The following CMPK1 variants were observed in gnomAD, a reference collection of about 807,000 sequenced individuals.
CMPK1 encodes UMP-CMP kinase.
CMPK1 carries 10 observed loss-of-function variants against 25.7 expected under a neutral mutation model. The observed-to-expected ratio is 0.39, with a 90% CI of 0.24 to 0.66. CMPK1 has a LOEUF of 0.66. Among genes scored for constraint, CMPK1 ranks in the 30% least tolerant of loss-of-function variants. The probability of loss-of-function intolerance (pLI) is 0.48; values close to 1 mark genes in which losing one functional copy is unlikely to be tolerated. For missense variants in CMPK1, 199 were observed against 280.5 expected, an observed-to-expected ratio of 0.71 and a Z score of 2.08; for synonymous variants, 106 against 101.5, an observed-to-expected ratio of 1.04 and a Z score of -0.27.
chr1:47,375,329 C>A, intron 5 of CMPK1, 36 bp downstream of exon 5: 3 of 1,303,028 alleles, frequency 2.3e-6, no homozygotes, highest in Admixed American at 2.3e-5. Context: ...AAAAATATGT[C>A]AAATAAAAAT....
At chr1:47,358,981 C>A (rs778375288) in intron 1 of CMPK1, 1 of 969,574 alleles carries the variant, frequency 1.0e-6, no homozygotes, top group Non-Finnish European at 1.2e-6. Flanking sequence ...ATTCCTTAGG[C>A]AAATGATATT....
chr1:47,347,438 G>A (rs1646493331), intron 1 of CMPK1, among the ~76,000 whole-genome samples: 1 of 151,882 alleles, frequency 6.6e-6, no homozygotes, highest in South Asian at 2.1e-4. Context: ...TGAACTCCTG[G>A]CCTCAAGCCA....
intron 1 of CMPK1, among the ~76,000 whole-genome samples, chr1:47,352,909 G>A (rs1646532777): frequency 1.3e-5 from 2 of 150,798 alleles, no homozygotes; most frequent in Admixed American, 1.3e-4. Context: ...TTTAGATTGA[G>A]CAAAATATAC....
chr1:47,372,264 T>C lies in CMPK1; in HGVS notation c.319-691T>C, dbSNP rs550927764. ...CCAGCCACCACGCCCAGCTAATTTT[T>C]GTATTTTTAGTAGAGACGGGGTTTC... On this transcript the variant is annotated intron_variant, in intron 2 of 5. Coordinates refer to ENST00000371873, the MANE Select transcript of CMPK1 (RefSeq NM_016308.3). 2.6e-5 allele frequency among the ~76,000 whole-genome samples: 4 copies of C among 152,316 alleles called. No homozygotes were observed. The South Asian group carries it at 8.3e-4, about 32-fold the overall frequency.
At chr1:47,368,407 A>G in intron 1 of CMPK1, 62 bp from the exon 2 acceptor site, 1 of 1,373,368 alleles carries the variant, frequency 7.3e-7, no homozygotes, top group Non-Finnish European at 9.7e-7. Context: ...AAGGAAAAAA[A>G]GTATAGTCCT....
intron 1 of CMPK1, among the ~76,000 whole-genome samples, chr1:47,340,872 G>A (rs1036803754): frequency 3.3e-5 from 5 of 152,086 alleles, no homozygotes; most frequent in Non-Finnish European, 7.4e-5. Flanking sequence ...CCTGACCTCA[G>A]GTGATCCGCC....
chr1:47,342,231 G>A (rs1220858986), intron 1 of CMPK1, among the ~76,000 whole-genome samples: 1 of 152,038 alleles, frequency 6.6e-6, no homozygotes, highest in Non-Finnish European at 1.5e-5. Context: ...ACAGGTGCCT[G>A]CCACCACACC....
intron 1 of CMPK1, among the ~76,000 whole-genome samples, chr1:47,365,897 A>C: frequency 6.6e-6 from 1 of 152,132 alleles, no homozygotes; most frequent in Non-Finnish European, 1.5e-5. Context: ...TGTCACTAGA[A>C]AATTACTATC....
At chr1:47,354,410 G>A (rs1265890129) in intron 1 of CMPK1, among the ~76,000 whole-genome samples, 1 of 151,984 alleles carries the variant, frequency 6.6e-6, no homozygotes. Context: ...TGTGTATATT[G>A]TAAAAAAAAT....
intron 1 of CMPK1, among the ~76,000 whole-genome samples, chr1:47,357,455 A>G (rs1440936731): frequency 2.0e-5 from 3 of 149,910 alleles, no homozygotes; most frequent in East Asian, 3.9e-4. Flanking sequence ...CCACTCTGTG[A>G]TAACGTGATA....
chr1:47,349,350 C>T (rs1425945513), intron 1 of CMPK1, among the ~76,000 whole-genome samples: 2 of 152,150 alleles, frequency 1.3e-5, no homozygotes, highest in East Asian at 1.9e-4. Context: ...AGATTTCTTT[C>T]CAGTAACTGG....
chr1:47,340,829 G>A lies in CMPK1; in HGVS notation c.171+6713G>A, dbSNP rs189961998. Reference sequence around the variant, plus strand: ...ATTTTGTATTTTTAGTAGAGACGGGGTTTCTCCATGTTGGTCAGGCTGGTC... The same window carrying A: ...ATTTTGTATTTTTAGTAGAGACGGGATTTCTCCATGTTGGTCAGGCTGGTC... On this transcript the variant is annotated intron_variant, in intron 1 of 5. Coordinates refer to ENST00000371873, the MANE Select transcript of CMPK1 (RefSeq NM_016308.3). Among the ~76,000 whole-genome samples the A allele has an allele frequency of 6.6e-5, 10 of 152,160 alleles. No homozygotes were observed. The South Asian group carries it at 2.1e-3, about 32-fold the overall frequency.
intron 5 of CMPK1, among the ~76,000 whole-genome samples, chr1:47,376,396 A>G (rs1004565152): frequency 8.6e-5 from 13 of 151,746 alleles, no homozygotes; most frequent in African/African-American, 2.7e-4. Flanking sequence ...GCTCACTGCA[A>G]CCTCCGTCTC....
chr1:47,368,550 A>G lies in CMPK1; in HGVS notation c.253A>G (p.Ile85Val), dbSNP rs143595256. The change falls in exon 2 of 6, where the codon ATT (isoleucine) becomes GTT (valine). Residue 85 changes from isoleucine to valine, a missense_variant. Ile to Val is a conservative substitution (Grantham distance 29). This residue lies in a region of CMPK1 where 140 missense variants were observed against 235.5 expected (regional missense o/e 0.59). Transcript: ENST00000371873. ...CCCAGATTCACAGTATGGTGAACTT[A>G]TTGAAAAGTACATTAAAGAAGGAAA... ...KNPDSQYGELIEKYIKEGKIV... is the reference protein window; with the variant it reads ...KNPDSQYGELVEKYIKEGKIV... 2 of 1,612,696 alleles carry G rather than the reference A, an allele frequency of 1.2e-6. No individual in the cohort carries two copies. Among genetic ancestry groups the G allele is most frequent in the Non-Finnish European group, 1.7e-6 (2 of 1,179,124 alleles).
At position 47,334,008 on chromosome 1, in the gene CMPK1, C is replaced by A; in HGVS notation, c.63C>A (p.Thr21=). 9 of 1,548,924 alleles carry A rather than the reference C, an allele frequency of 5.8e-6. No homozygotes were observed. Among genetic ancestry groups the A allele is most frequent in the Non-Finnish European group, 7.8e-6 (9 of 1,147,678 alleles). Residue 21 remains threonine (T), a synonymous_variant, in exon 1 of 6, where the codon ACC becomes ACA. Coordinates refer to ENST00000371873, the MANE Select transcript of CMPK1 (RefSeq NM_016308.3). ...HVLGLSFLLQ[T]RRPILLCSPR... ...TGGGCCTTAGCTTCCTGCTGCAGAC[C>A]CGCCGGCCGATTCTCCTCTGCTCTC...
In CMPK1 at chr1:47,377,422, C is replaced by T. The variant is rs1293621031; in HGVS notation, c.*677C>T. On this transcript the variant is annotated 3_prime_UTR_variant, in exon 6 of 6. Coordinates refer to ENST00000371873, the MANE Select transcript of CMPK1 (RefSeq NM_016308.3). The stretch of plus-strand genomic sequence containing the variant: ...ATTGTCAGCTTTAGTCTGACATAAT[C>T]TAAGGGTATGGGGCAAGGATCACAT... 1 of 152,160 alleles carries T rather than the reference C, an allele frequency of 6.6e-6. No individual in the cohort carries two copies. Among genetic ancestry groups the T allele is most frequent in the Non-Finnish European group, 1.5e-5 (1 of 68,052 alleles). The allele number at this position is 152,160 out of a possible 1,614,324, so 9.4% of individuals were successfully genotyped here. A position where few individuals can be genotyped will look rare whatever the true frequency, so the allele number is the denominator to read the frequency against.
chr1:47,346,470 A>T (rs1345786930), intron 1 of CMPK1, among the ~76,000 whole-genome samples: 1 of 151,158 alleles, frequency 6.6e-6, no homozygotes, highest in Non-Finnish European at 1.5e-5. Flanking sequence ...TTTCTTATTA[A>T]TTTTATCTCC....
intron 1 of CMPK1, among the ~76,000 whole-genome samples, chr1:47,354,175 G>GA (rs1234920225): frequency 6.6e-6 from 1 of 151,838 alleles, no homozygotes; most frequent in African/African-American, 2.4e-5. Flanking sequence ...ATAAAAAAAT[G>GA]AAAAAATTAG....
At chr1:47,342,422 TCAA>T (rs1646447847) in intron 1 of CMPK1, among the ~76,000 whole-genome samples, 1 of 151,998 alleles carries the variant, frequency 6.6e-6, no homozygotes, top group Admixed American at 6.6e-5. Flanking sequence ...CTCGACTGCT[TCAA>T]ATGCTAATCT....
Sources: allele counts gnomAD v4.1 joint callset (sites outside exome capture counted in the v4.1 genomes callset), GRCh38; gene constraint gnomAD v4.1.1; regional missense constraint gnomAD v4.1.1; transcripts MANE v1.5; gene names NCBI Gene and HGNC (gene_info 2026-07-23, HGNC 2026-07-21).